The following RXRA variants were observed in gnomAD, a reference collection of about 807,000 sequenced individuals.
RXRA encodes retinoid X receptor alpha, also known as retinoic acid receptor RXR-alpha.
RXRA carries 5 observed loss-of-function variants against 44.5 expected under a neutral mutation model. The ratio of observed to expected loss-of-function variants is 0.11; its 90% CI spans 0.06 to 0.24. The LOEUF is 0.24. Ranked by LOEUF, RXRA falls within the 10% of genes least tolerant of loss-of-function variation. The pLI is 1.00. For synonymous variants in RXRA, 291 were observed against 271.4 expected (o/e 1.07, Z -0.71); for missense variants, 412 against 646.5 (o/e 0.64, Z 3.93).
chr9:134,390,578 C>T (rs1021752863), intron 1 of RXRA, among the ~76,000 whole-genome samples: 17 of 152,162 alleles, frequency 1.1e-4, no homozygotes, highest in African/African-American at 4.1e-4. Context: ...CAAGTTTCTG[C>T]GGGGCAGGAG....
intron 4 of RXRA, among the ~76,000 whole-genome samples, chr9:134,416,755 G>A (rs555082486): frequency 6.6e-6 from 1 of 152,066 alleles, no homozygotes; most frequent in East Asian, 1.9e-4. Flanking sequence ...TGCAGGGATC[G>A]TGTCTCCAGC....
chr9:134,348,438 T>C (rs1179428686), intron 1 of RXRA, among the ~76,000 whole-genome samples: 2 of 152,144 alleles, frequency 1.3e-5, no homozygotes, highest in Non-Finnish European at 2.9e-5. Flanking sequence ...TCAGGCTGGC[T>C]GAGAGGGTCC....
intron 1 of RXRA, among the ~76,000 whole-genome samples, chr9:134,336,208 G>A (rs1274083394): frequency 1.3e-5 from 2 of 152,198 alleles, no homozygotes; most frequent in African/African-American, 4.8e-5. Context: ...GGAGGGGTGA[G>A]GACTGGAAGG....
chr9:134,377,023 C>T (rs533783911), intron 1 of RXRA, among the ~76,000 whole-genome samples: 4 of 152,226 alleles, frequency 2.6e-5, no homozygotes, highest in Admixed American at 1.3e-4. Flanking sequence ...ACCCGTCAGC[C>T]GGGTTTTCCT....
chr9:134,397,681 A>G (rs1409129318), intron 1 of RXRA, among the ~76,000 whole-genome samples: 1 of 152,028 alleles, frequency 6.6e-6, no homozygotes, highest in Non-Finnish European at 1.5e-5. Context: ...TCGGAGTCAC[A>G]CTGATTGCCT....
chr9:134,411,212 C>T (rs992703613), intron 4 of RXRA, among the ~76,000 whole-genome samples: 1 of 152,218 alleles, frequency 6.6e-6, no homozygotes, highest in African/African-American at 2.4e-5. Context: ...TCCTAAGGCC[C>T]TGCAGCCCAG....
intron 1 of RXRA, among the ~76,000 whole-genome samples, chr9:134,360,135 C>T (rs546596169): frequency 2.8e-4 from 42 of 152,266 alleles, no homozygotes; most frequent in African/African-American, 9.4e-4. Flanking sequence ...CTAAGGCCCC[C>T]GCGATTGCTC....
chr9:134,327,107 G>C (rs1275891002), intron 1 of RXRA, among the ~76,000 whole-genome samples: 1 of 152,086 alleles, frequency 6.6e-6, no homozygotes, highest in Non-Finnish European at 1.5e-5. Flanking sequence ...GTCGGGCTGC[G>C]GCTTCTAGCA....
chr9:134,430,365 C>T (rs756058419), intron 7 of RXRA, among the ~76,000 whole-genome samples: 30 of 152,178 alleles, frequency 2.0e-4, no homozygotes, highest in South Asian at 8.3e-4. Context: ...ACCTGGAGAA[C>T]GTGGCCCCTG....
At chr9:134,358,086 G>A (rs1211526122) in intron 1 of RXRA, among the ~76,000 whole-genome samples, 1 of 152,260 alleles carries the variant, frequency 6.6e-6, no homozygotes, top group Non-Finnish European at 1.5e-5. Flanking sequence ...CCATCTCCAC[G>A]GGAGGCCGTG....
intron 1 of RXRA, among the ~76,000 whole-genome samples, chr9:134,378,750 G>T (rs1425135455): frequency 6.6e-6 from 1 of 152,192 alleles, no homozygotes; most frequent in Non-Finnish European, 1.5e-5. Flanking sequence ...CTGGAGTTGG[G>T]GTTTGCCGAG....
chr9:134,340,570 C>T (rs2119026133), intron 1 of RXRA, among the ~76,000 whole-genome samples: 1 of 152,102 alleles, frequency 6.6e-6, no homozygotes, highest in East Asian at 1.9e-4. Context: ...CAGGTATCAC[C>T]GACCACCCGA....
At chr9:134,395,516 C>A (rs1005333167) in intron 1 of RXRA, among the ~76,000 whole-genome samples, 4 of 152,154 alleles carry the variant, frequency 2.6e-5, no homozygotes, top group Non-Finnish European at 5.9e-5. Flanking sequence ...TGAGCAGTTG[C>A]GGGCTGCAGT....
At chr9:134,422,561 C>T in intron 6 of RXRA, 1 of 1,164,594 alleles carries the variant, frequency 8.6e-7, no homozygotes, top group South Asian at 1.4e-5. Context: ...GGGACAGTCC[C>T]CACTCCCGGG....
Position 134,349,851 on chromosome 9 carries a change from G to A in RXRA, c.28+23192G>A, listed in dbSNP as rs950311023. 6.6e-6 allele frequency among the ~76,000 whole-genome samples: 1 copy of A among 152,150 alleles called. No individual in the cohort carries two copies. The highest frequency in any genetic ancestry group is 2.4e-5 in the African/African-American group (1 of 41,444). On this transcript the variant is annotated intron_variant, in intron 1 of 9. Coordinates refer to ENST00000481739, the MANE Select transcript of RXRA (RefSeq NM_002957.6). The surrounding 1 kb of genome is among the most constrained non-coding windows in gnomAD (Gnocchi z 4.3). Reference sequence around the variant, plus strand: ...GCGGGCGGGTGCCGCAGGCTCTCCTGTGGTAGGAGTCGGGTGGACAGTTTG... The same window carrying A: ...GCGGGCGGGTGCCGCAGGCTCTCCTATGGTAGGAGTCGGGTGGACAGTTTG...
intron 6 of RXRA, chr9:134,423,504 C>CA (rs1244945905): frequency 2.3e-5 from 23 of 985,348 alleles, no homozygotes; most frequent in Non-Finnish European, 2.7e-5. Flanking sequence ...TGTGACCACA[C>CA]AGGCTGTGTG....
chr9:134,374,391 T>TG (rs1830527228), intron 1 of RXRA, among the ~76,000 whole-genome samples: 1 of 152,212 alleles, frequency 6.6e-6, no homozygotes, highest in African/African-American at 2.4e-5. Flanking sequence ...AGGGTGGCTC[T>TG]GGTCCCCAGC....
At chr9:134,414,782 C>T (rs1286620698) in intron 4 of RXRA, among the ~76,000 whole-genome samples, 3 of 152,230 alleles carry the variant, frequency 2.0e-5, no homozygotes, top group African/African-American at 4.8e-5. Context: ...TGCCGTACCC[C>T]TCAGCTCAGA....
At chr9:134,422,403 C>T (rs1831358605) in intron 6 of RXRA, 5 of 1,278,796 alleles carry the variant, frequency 3.9e-6, no homozygotes, top group South Asian at 3.8e-5. Context: ...CTCCCCCGTC[C>T]CGTGACATTC....
Sources: gnomAD v4.1 joint callset for allele counts (sites outside exome capture counted in the v4.1 genomes callset) on GRCh38, gnomAD v4.1.1 for gene constraint, Gnocchi (gnomAD v3.1) non-coding constraint, MANE v1.5 for transcripts, NCBI Gene and HGNC (gene_info 2026-07-23, HGNC 2026-07-21) for gene names.